Variants in CC2D1B observed in about 807,000 individuals in gnomAD.
CC2D1B encodes coiled-coil and C2 domain-containing protein 1B.
CC2D1B carries 92 observed loss-of-function variants against 110.8 expected under a neutral mutation model. That is an observed-to-expected ratio of 0.83 (90% CI 0.70 to 0.99). The LOEUF (loss-of-function observed/expected upper bound fraction) is 0.99, where lower values mean the gene tolerates loss of function less well. Ranked by LOEUF, CC2D1B falls within the 50% of genes least tolerant of loss-of-function variation. The pLI, the probability that CC2D1B is intolerant of heterozygous loss-of-function variation, is 0.00. For missense variants in CC2D1B, 1,136 were observed against 1,089.0 expected, an observed-to-expected ratio of 1.04 and a Z score of -0.61; for synonymous variants, 406 against 429.2, an observed-to-expected ratio of 0.95 and a Z score of 0.67.
In CC2D1B at chr1:52,360,250, G is replaced by A. The variant is rs1393416320; in HGVS notation, c.604-17C>T. On this transcript the variant is annotated splice_polypyrimidine_tract_variant and intron_variant, in intron 6 of 24. Transcript: ENST00000284376. ...CTCCAAGGTCTGAGGGAGAGAACTG[G>A]TCCAGAAACCCAGCCAGCCATCTCA... 3.1e-6 allele frequency: 5 copies of A among 1,613,402 alleles called. No individual in the cohort carries two copies. The highest frequency in any genetic ancestry group is 4.2e-6 in the Non-Finnish European group (5 of 1,179,772).
chr1:52,355,935 G>A, intron 18 of CC2D1B, 91 bp from the exon 19 acceptor site: 1 of 1,345,622 alleles, frequency 7.4e-7, no homozygotes, highest in Non-Finnish European at 1.1e-6. Flanking sequence ...GCCCAGCTGG[G>A]TGGTGACGGG....
rs775057002 is a variant in CC2D1B, at chr1:52,360,133, TG to T, written c.703del (p.Gln235ArgfsTer41). 2.5e-6 allele frequency: 4 copies of T among 1,609,918 alleles called. No homozygotes were observed. The highest frequency in any genetic ancestry group is 1.3e-5 in the African/African-American group (1 of 74,928). On this transcript the variant is annotated frameshift_variant, in exon 7 of 25. Coordinates refer to ENST00000284376, the MANE Select transcript of CC2D1B (RefSeq NM_001330585.2). LOFTEE classifies it high-confidence loss of function. ...VALGKRPLAP[Q>X]EPANRSPETD... ...CTCAGGGCTCCTGTTGGCTGGTTCC[TG>T]GGGGGCCAGGGGCCGCTTTCCTAAG...
chr1:52,353,684 G>T (rs903974743), intron 23 of CC2D1B, 37 bp from the exon 24 acceptor site: 1 of 1,491,346 alleles, frequency 6.7e-7, no homozygotes, highest in Non-Finnish European at 9.1e-7. Flanking sequence ...GTAACTAAGG[G>T]GACAGAGATG....
chr1:52,353,315 A>ATAGG (rs1553139769), intron 24 of CC2D1B, 92 bp from the exon 25 acceptor site: 3 of 1,477,364 alleles, frequency 2.0e-6, no homozygotes, highest in Non-Finnish European at 2.7e-6. Context: ...AGATAGATAG[A>ATAGG]TAGATAGTTA....
chr1:52,352,436 G>A lies in CC2D1B; in HGVS notation c.*789C>T, dbSNP rs986016133. 3 of 152,602 alleles carry A rather than the reference G, an allele frequency of 2.0e-5. No homozygotes were observed. The highest frequency in any genetic ancestry group is 4.4e-5 in the Non-Finnish European group (3 of 68,032). 9.5% of individuals were successfully genotyped at this position (152,602 alleles called of 1,614,324 possible). A position where few individuals can be genotyped will look rare whatever the true frequency, so the allele number is the denominator to read the frequency against. ...GGCTTTTAAAAAGTGACAGGGAGCAGGACTTTAGATTAGGACTTTGGTGGA... is the reference window on the plus strand; with the variant it reads ...GGCTTTTAAAAAGTGACAGGGAGCAAGACTTTAGATTAGGACTTTGGTGGA... On this transcript the variant is annotated 3_prime_UTR_variant, in exon 25 of 25. Coordinates refer to ENST00000284376, the MANE Select transcript of CC2D1B (RefSeq NM_001330585.2).
rs1236541335 is a variant in CC2D1B, at chr1:52,352,142, T to G, written c.*1083A>C. The G allele has an allele frequency of 6.6e-6, 1 of 152,226 alleles. No individual in the cohort carries two copies. The highest frequency in any genetic ancestry group is 1.5e-5 in the Non-Finnish European group (1 of 68,064). 9.4% of individuals were successfully genotyped at this position (152,226 alleles called of 1,614,324 possible). On this transcript the variant is annotated 3_prime_UTR_variant, in exon 25 of 25. Coordinates refer to ENST00000284376, the MANE Select transcript of CC2D1B (RefSeq NM_001330585.2). Reference sequence around the variant, plus strand: ...AAAAGTGATCTTGAGGAATGCTTTGTTGATCTTGAATTAATAATTCAAAAA... The same window carrying G: ...AAAAGTGATCTTGAGGAATGCTTTGGTGATCTTGAATTAATAATTCAAAAA...
chr1:52,353,650 G>A lies in CC2D1B; in HGVS notation c.2431-3C>T. 6.3e-7 allele frequency: 1 copy of A among 1,593,726 alleles called. No individual in the cohort carries two copies. The highest frequency in any genetic ancestry group is 8.6e-7 in the Non-Finnish European group (1 of 1,169,510). On this transcript the variant is annotated splice_region_variant and splice_polypyrimidine_tract_variant and intron_variant, in intron 23 of 24. Transcript: ENST00000284376. ...GTGGGCTTCCTTCCATCCAGGACCT[G>A]TGAGGACCACAGAGAGGGAAATGGT...
intron 16 of CC2D1B, chr1:52,356,656 T>G (rs990608776): frequency 4.9e-6 from 3 of 614,916 alleles, no homozygotes; most frequent in Non-Finnish European, 8.5e-6. Context: ...ATTCCCCAAA[T>G]TAGCAACTCC....
In CC2D1B at chr1:52,353,874, C is replaced by T. The variant is rs549212022; in HGVS notation, c.2431-227G>A. 3.1e-5 allele frequency: 14 copies of T among 455,618 alleles called. No homozygotes were observed. In the South Asian group the frequency reaches 3.7e-4, roughly 12 times the overall value. 28.2% of individuals were successfully genotyped at this position (455,618 alleles called of 1,614,324 possible). On this transcript the variant is annotated intron_variant, in intron 23 of 24. Coordinates refer to ENST00000284376, the MANE Select transcript of CC2D1B (RefSeq NM_001330585.2). ...GTAATAAATAAATCCAGACAAGCAT[C>T]CTAGAGCTCTGTTCATTTTCTCCTC... is the stretch of plus-strand genomic sequence containing the variant.
In CC2D1B at chr1:52,357,874, C is replaced by G. The variant is rs76320728; in HGVS notation, c.1486G>C (p.Val496Leu). ...DEGEPPAQAP[V>L]AKKPARPTVP... ...GTGGGCCGTGCAGGTTTCTTGGCCA[C>G]TGGGGCCTGTGCTGGGGGCTCACCC... Residue 496 changes from valine (V) to leucine (L), a missense_variant, in exon 14 of 25, where the codon GTG becomes CTG. Coordinates refer to ENST00000284376, the MANE Select transcript of CC2D1B (RefSeq NM_001330585.2). The G allele has an allele frequency of 5.6e-3, 8,864 of 1,579,182 alleles. 125 individuals carry two copies. Among genetic ancestry groups the G allele is most frequent in the South Asian group, 0.039 (3,259 of 84,414 alleles).
chr1:52,352,547 A>G lies in CC2D1B; in HGVS notation c.*678T>C, dbSNP rs553720931. 1 of 152,634 alleles carries G rather than the reference A, an allele frequency of 6.6e-6. No homozygotes were observed. Among genetic ancestry groups the G allele is most frequent in the Non-Finnish European group, 1.5e-5 (1 of 68,036 alleles). 9.5% of individuals were successfully genotyped at this position (152,634 alleles called of 1,614,324 possible). A position where few individuals can be genotyped will look rare whatever the true frequency, so the allele number is the denominator to read the frequency against. On this transcript the variant is annotated 3_prime_UTR_variant, in exon 25 of 25. Coordinates refer to ENST00000284376, the MANE Select transcript of CC2D1B (RefSeq NM_001330585.2). The stretch of plus-strand genomic sequence containing the variant: ...TAAACGTGTCTACATAAAATTTTAT[A>G]TATATATTTTTTCTTCCAGTTAACA...
At chr1:52,354,245 T>G in intron 23 of CC2D1B, 1 of 416,640 alleles carries the variant, frequency 2.4e-6, no homozygotes, top group Non-Finnish European at 4.6e-6. Flanking sequence ...CCTACATAGG[T>G]TATCAGTAAG....
rs1217965424 is a variant in CC2D1B at position 52,351,360 on chromosome 1, A to C, written c.*1865T>G. 1 of 152,180 alleles carries C rather than the reference A, an allele frequency of 6.6e-6. No homozygotes were observed. The highest frequency in any genetic ancestry group is 6.5e-5 in the Admixed American group (1 of 15,280). The allele number at this position is 152,180 out of a possible 1,614,324, so 9.4% of individuals were successfully genotyped here. On this transcript the variant is annotated 3_prime_UTR_variant, in exon 25 of 25. Coordinates refer to ENST00000284376, the MANE Select transcript of CC2D1B (RefSeq NM_001330585.2). ...CTCCTAGAGCTGGCTGGAACTTTAG[A>C]GGATAACCACAGTGGTCCGTAACCC...
At chr1:52,356,509 C>T (rs1357470302) in intron 16 of CC2D1B, 67 bp from the exon 17 acceptor site, 20 of 1,556,742 alleles carry the variant, frequency 1.3e-5, no homozygotes, top group Non-Finnish European at 8.9e-7. Flanking sequence ...GCATTCAAGG[C>T]TAGACTTCTC....
intron 10 of CC2D1B, 32 bp downstream of exon 10, chr1:52,359,218 C>T: frequency 6.2e-7 from 1 of 1,610,740 alleles, no homozygotes; most frequent in African/African-American, 1.3e-5. Context: ...GCCTGCAGGT[C>T]CCCACGCCAC....
In CC2D1B at chr1:52,354,587, T is replaced by G. The variant is rs778439710; in HGVS notation, c.2430+21A>C. 3.7e-6 allele frequency: 6 copies of G among 1,608,036 alleles called. No homozygotes were observed. In the African/African-American group the frequency reaches 4.0e-5, roughly 11 times the overall value. ...TCTTGTCGTACCAACCCCTTTGGCT[T>G]GCCCACACCCCAGCCCCTACCTCCA... is the stretch of plus-strand genomic sequence containing the variant. On this transcript the variant is annotated intron_variant, in intron 23 of 24. Coordinates refer to ENST00000284376, the MANE Select transcript of CC2D1B (RefSeq NM_001330585.2).
At position 52,359,716 on chromosome 1, in the gene CC2D1B, T is replaced by G; in HGVS notation, c.931A>C (p.Arg311=). 1 of 1,602,558 alleles carries G rather than the reference T, an allele frequency of 6.2e-7. No homozygotes were observed. Among genetic ancestry groups the G allele is most frequent in the Non-Finnish European group, 8.5e-7 (1 of 1,174,696 alleles). ...GCCAGATGCCATACCTTCCCAATCC[T>G]CATGAGCTCTCGGGCACGGTCTAGC... is the stretch of plus-strand genomic sequence containing the variant. ...GELDRARELM[R]IGKRFGAVLE... Residue 311 remains arginine, a synonymous_variant, in exon 8 of 25, where the codon AGG becomes CGG. Transcript: ENST00000284376.
chr1:52,359,571 A>G (rs1646733393), intron 8 of CC2D1B, 37 bp from the exon 9 acceptor site: 2 of 1,606,958 alleles, frequency 1.2e-6, no homozygotes, highest in Non-Finnish European at 1.7e-6. Context: ...GGTGAAAGAC[A>G]GGGGACCCCA....
rs1358747553 is a variant in CC2D1B at position 52,351,594 on chromosome 1, A to T, written c.*1631T>A. On this transcript the variant is annotated 3_prime_UTR_variant, in exon 25 of 25. Transcript: ENST00000284376. ...GAAGTTTTGGTAGCTCACTTCTGATAAGATTGGCCAGCCGGGTGCGGTGGC... is the reference window on the plus strand; with the variant it reads ...GAAGTTTTGGTAGCTCACTTCTGATTAGATTGGCCAGCCGGGTGCGGTGGC... The T allele has an allele frequency of 6.6e-6, 1 of 152,072 alleles. No homozygotes were observed. Among genetic ancestry groups the T allele is most frequent in the African/African-American group, 2.4e-5 (1 of 41,422 alleles). The allele number at this position is 152,072 out of a possible 1,614,324, so 9.4% of individuals were successfully genotyped here.
Sources: gnomAD v4.1 joint callset for allele counts on GRCh38, gnomAD v4.1.1 for gene constraint, MANE v1.5 for transcripts, NCBI Gene and HGNC (gene_info 2026-07-23, HGNC 2026-07-21) for gene names.